CHI3L2: variants seen among roughly 807,000 people sequenced by gnomAD.
CHI3L2 encodes chitinase 3 like 2, also known as chitinase-3-like protein 2.
A neutral mutation model predicts 47.3 loss-of-function variants in CHI3L2; 47 were observed. The observed-to-expected ratio is 0.99, with a 90% CI of 0.79 to 1.27. CHI3L2 has a LOEUF of 1.27. Among genes scored for constraint, CHI3L2 ranks in the 50% most tolerant of loss-of-function variants. The pLI is 0.00. For missense variants in CHI3L2, 497 were observed against 462.1 expected, an observed-to-expected ratio of 1.08 and a Z score of -0.69; for synonymous variants, 198 against 169.9, an observed-to-expected ratio of 1.17 and a Z score of -1.28.
intron 9 of CHI3L2, 36 bp from the exon 10 acceptor site, chr1:111,242,191 T>G (rs1164397452): frequency 6.2e-7 from 1 of 1,613,742 alleles, no homozygotes; most frequent in East Asian, 2.2e-5. Flanking sequence ...GGGGCCACCC[T>G]TCGAATCTCT....
rs1209887744 is a variant in CHI3L2 at position 111,235,807 on chromosome 1, G to C, written c.605+44G>C. The C allele has an allele frequency of 1.9e-6, 3 of 1,604,562 alleles. No individual in the cohort carries two copies. The Admixed American group carries it at 5.1e-5, about 27-fold the overall frequency. ...CTTTCCATCCCTCTGCTTCCAATTT[G>C]GTCCATGCAAATGATGCATCAGCAT... On this transcript the variant is annotated intron_variant, in intron 6 of 10. Transcript: ENST00000369748.
chr1:111,239,194 G>C (rs1659975872), intron 8 of CHI3L2: 1 of 357,688 alleles, frequency 2.8e-6, no homozygotes, highest in Non-Finnish European at 5.0e-6. Flanking sequence ...GCGAGAAATT[G>C]AAAAAGGAAG....
At chr1:111,241,248 G>A (rs1660044966) in intron 8 of CHI3L2, 79 bp from the exon 9 acceptor site, 2 of 806,356 alleles carry the variant, frequency 2.5e-6, no homozygotes, top group Admixed American at 3.4e-5. Context: ...GTCCCTAGTG[G>A]CTCACCTGCC....
rs971391099 is a variant in CHI3L2, at chr1:111,243,411, C to A, written c.*197C>A. The A allele has an allele frequency of 1.9e-5, 7 of 360,060 alleles. No individual in the cohort carries two copies. Among genetic ancestry groups the A allele is most frequent in the South Asian group, 1.5e-4 (7 of 47,082 alleles). 22.3% of individuals were successfully genotyped at this position (360,060 alleles called of 1,614,324 possible). A position where few individuals can be genotyped will look rare whatever the true frequency, so the allele number is the denominator to read the frequency against. On this transcript the variant is annotated 3_prime_UTR_variant, in exon 11 of 11. Transcript: ENST00000369748. ...GCTGTTGACTTGTTGCCCTGAAGTA[C>A]AATAAAAAAAATTCATTTTGCTCCA...
At chr1:111,229,926 GT>G (rs1209668848) in intron 2 of CHI3L2, 45 bp downstream of exon 2, 1 of 1,611,244 alleles carries the variant, frequency 6.2e-7, no homozygotes, top group African/African-American at 1.3e-5. Context: ...CCTGGCTTGG[GT>G]GCTTTCATTT....
intron 1 of CHI3L2, 81 bp from the exon 2 acceptor site, chr1:111,229,771 C>CCCACATTT: frequency 6.2e-7 from 1 of 1,600,192 alleles, no homozygotes; most frequent in East Asian, 2.3e-5. Flanking sequence ...TGTGAGCACA[C>CCCACATTT]CCACATTTTC....
chr1:111,242,947 C>A (rs1422564020), intron 10 of CHI3L2, among the ~76,000 whole-genome samples: 2 of 152,182 alleles, frequency 1.3e-5, no homozygotes, highest in Admixed American at 6.5e-5. Context: ...TCCTCCTGTG[C>A]AGATGAAGGC....
At chr1:111,233,161 G>A (rs985661811) in intron 4 of CHI3L2, among the ~76,000 whole-genome samples, 1 of 152,096 alleles carries the variant, frequency 6.6e-6, no homozygotes, top group Non-Finnish European at 1.5e-5. Context: ...TCAACTTCAT[G>A]GCTTCAGAAT....
intron 4 of CHI3L2, among the ~76,000 whole-genome samples, chr1:111,233,576 C>T (rs1317823210): frequency 1.3e-5 from 2 of 152,010 alleles, no homozygotes; most frequent in Non-Finnish European, 2.9e-5. Flanking sequence ...TGGGGGGGGT[C>T]AGCACCCCGC....
At chr1:111,238,604 C>G in intron 7 of CHI3L2, 146 bp from the exon 8 acceptor site, 4 of 725,694 alleles carry the variant, frequency 5.5e-6, no homozygotes, top group Non-Finnish European at 9.0e-6. Flanking sequence ...AACAAGCACT[C>G]TGGTCCGGGG....
chr1:111,234,856 A>C (rs1357216828), intron 4 of CHI3L2, 51 bp from the exon 5 acceptor site: 2 of 1,572,082 alleles, frequency 1.3e-6, no homozygotes, highest in Non-Finnish European at 1.7e-6. Flanking sequence ...GTGTTACACT[A>C]CAAGTGTTAC....
chr1:111,230,434 T>C (rs1484861465), intron 2 of CHI3L2, among the ~76,000 whole-genome samples: 3 of 152,058 alleles, frequency 2.0e-5, no homozygotes, highest in Non-Finnish European at 2.9e-5. Context: ...TTAAATTTTT[T>C]GTAGAGATGG....
In CHI3L2 at chr1:111,235,707, C is replaced by A. The variant is rs147011696; in HGVS notation, c.549C>A (p.Gly183=). 2 of 1,614,200 alleles carry A rather than the reference C, an allele frequency of 1.2e-6. No individual in the cohort carries two copies. The highest frequency in any genetic ancestry group is 1.7e-6 in the Non-Finnish European group (2 of 1,180,012). ...AGGAAAGGCTTCTCTTGACTGCGGG[C>A]GTATCTGCAGGGAGGCAAATGATTG... ...STKERLLLTA[G]VSAGRQMIDN... The change falls in exon 6 of 11, where the codon GGC becomes GGA. Residue 183 remains glycine (G), a synonymous_variant. Coordinates refer to ENST00000369748, the MANE Select transcript of CHI3L2 (RefSeq NM_004000.3).
chr1:111,234,838 T>G lies in CHI3L2; in HGVS notation c.330-69T>G. On this transcript the variant is annotated intron_variant, in intron 4 of 10. Transcript: ENST00000369748. ...AAGAGAAGACTGCTCAGGATTTCTG[T>G]GAAAAATGTGTTACACTACAAGTGT... is the stretch of plus-strand genomic sequence containing the variant. 9 of 1,464,758 alleles carry G rather than the reference T, an allele frequency of 6.1e-6. No homozygotes were observed. In the South Asian group the frequency reaches 1.1e-4, roughly 18 times the overall value. The allele number at this position is 1,464,758 out of a possible 1,614,324, so 90.7% of individuals were successfully genotyped here. A position where few individuals can be genotyped will look rare whatever the true frequency, so the allele number is the denominator to read the frequency against.
chr1:111,240,739 A>G (rs1250975892), intron 8 of CHI3L2, among the ~76,000 whole-genome samples: 1 of 152,182 alleles, frequency 6.6e-6, no homozygotes, highest in African/African-American at 2.4e-5. Context: ...TCTTTTTTAG[A>G]GCTCTTCCTT....
chr1:111,233,917 T>A (rs557798546), intron 4 of CHI3L2, among the ~76,000 whole-genome samples: 11 of 152,208 alleles, frequency 7.2e-5, no homozygotes, highest in African/African-American at 2.4e-4. Flanking sequence ...CTCTGAAACA[T>A]GTGCTGTGTC....
At chr1:111,232,120 A>G (rs1435573050) in intron 4 of CHI3L2, among the ~76,000 whole-genome samples, 1 of 152,248 alleles carries the variant, frequency 6.6e-6, no homozygotes, top group Non-Finnish European at 1.5e-5. Flanking sequence ...GTAGGCAGAG[A>G]GAAGAAGTAG....
intron 10 of CHI3L2, 157 bp downstream of exon 10, chr1:111,242,523 C>A (rs570434640): frequency 2.9e-5 from 18 of 630,710 alleles, no homozygotes; most frequent in Admixed American, 1.1e-4. Context: ...TGGTTCTGCC[C>A]TTTTCATAGG....
chr1:111,233,453 C>T (rs1343064148), intron 4 of CHI3L2, among the ~76,000 whole-genome samples: 1 of 152,230 alleles, frequency 6.6e-6, no homozygotes, highest in Non-Finnish European at 1.5e-5. Context: ...AGAAAGGACT[C>T]TAACCTTGGA....
Sources: allele counts gnomAD v4.1 joint callset (sites outside exome capture counted in the v4.1 genomes callset), GRCh38; gene constraint gnomAD v4.1.1; transcripts MANE v1.5; gene names NCBI Gene and HGNC (gene_info 2026-07-23, HGNC 2026-07-21).